The following ABTB2 variants were observed in gnomAD, a reference collection of about 807,000 sequenced individuals.
ABTB2 encodes the protein ankyrin repeat and BTB domain containing 2.
A neutral mutation model predicts 104.1 loss-of-function variants in ABTB2; 56 were observed. That is an observed-to-expected ratio of 0.54 (90% CI 0.43 to 0.67). The LOEUF is 0.67. ABTB2 is among the 30% of genes least tolerant of loss of function. The probability of loss-of-function intolerance (pLI) is 0.00; values close to 1 mark genes in which losing one functional copy is unlikely to be tolerated. For synonymous variants in ABTB2, 606 were observed against 608.2 expected, an observed-to-expected ratio of 1.00 and a Z score of 0.05; for missense variants, 1,279 against 1,407.7, an observed-to-expected ratio of 0.91 and a Z score of 1.46.
intron 1 of ABTB2, among the ~76,000 whole-genome samples, chr11:34,311,284 C>T (rs777169394): frequency 6.6e-6 from 1 of 152,182 alleles, no homozygotes; most frequent in Non-Finnish European, 1.5e-5. Flanking sequence ...TGCTGCAGAC[C>T]CAGAAAAGCA....
At chr11:34,282,713 G>A (rs1191543155) in intron 1 of ABTB2, among the ~76,000 whole-genome samples, 1 of 151,182 alleles carries the variant, frequency 6.6e-6, no homozygotes, top group Non-Finnish European at 1.5e-5. Flanking sequence ...CTTTTTTTTA[G>A]TAGAGACGGG....
At position 34,162,818 on chromosome 11, in the gene ABTB2, G is replaced by A. The variant is rs754191566; in HGVS notation, c.1989-13C>T. 5 of 1,591,954 alleles carry A rather than the reference G, an allele frequency of 3.1e-6. No individual in the cohort carries two copies. The South Asian group carries it at 5.6e-5, about 18-fold the overall frequency. On this transcript the variant is annotated splice_polypyrimidine_tract_variant and intron_variant, in intron 9 of 16. Transcript: ENST00000435224. ...CCTCAGGACGTTCCTGCAGGCCCAG[G>A]GATGAATGAAGGTGAGGGCTGAAGT... is the stretch of plus-strand genomic sequence containing the variant.
chr11:34,195,856 C>A lies in ABTB2; in HGVS notation c.1244+1469G>T, dbSNP rs117264666. On this transcript the variant is annotated intron_variant, in intron 3 of 16. Coordinates refer to ENST00000435224, the MANE Select transcript of ABTB2 (RefSeq NM_145804.3). The stretch of plus-strand genomic sequence containing the variant: ...GAAGCAGACCTGGCTGTGGAGCCAG[C>A]TGTGGATCACAGAGCTGATGAGACT... Among the ~76,000 whole-genome samples, 578 of 152,356 alleles carry A rather than the reference C, an allele frequency of 3.8e-3. 2 individuals carry two copies. Among genetic ancestry groups the A allele is most frequent in the Non-Finnish European group, 6.3e-3 (429 of 68,036 alleles).
chr11:34,301,837 A>G (rs1854710313), intron 1 of ABTB2, among the ~76,000 whole-genome samples: 1 of 152,176 alleles, frequency 6.6e-6, no homozygotes, highest in Non-Finnish European at 1.5e-5. Flanking sequence ...AAATACAAAA[A>G]TTAGCTGGGT....
intron 1 of ABTB2, among the ~76,000 whole-genome samples, chr11:34,289,385 C>T (rs765111873): frequency 6.6e-5 from 10 of 152,204 alleles, no homozygotes; most frequent in African/African-American, 9.7e-5. Flanking sequence ...ATGCTAATGT[C>T]GTGCTTACTA....
At chr11:34,165,972 G>C (rs1271251537) in intron 7 of ABTB2, among the ~76,000 whole-genome samples, 2 of 152,236 alleles carry the variant, frequency 1.3e-5, no homozygotes, top group Non-Finnish European at 2.9e-5. Context: ...GCTAGCAAGG[G>C]CGGGCTTTGA....
At chr11:34,168,595 G>A (rs774904800) in intron 5 of ABTB2, among the ~76,000 whole-genome samples, 3 of 152,214 alleles carry the variant, frequency 2.0e-5, no homozygotes, top group Admixed American at 6.5e-5. Flanking sequence ...CAGCTGAGGA[G>A]CAGAGAAGGG....
chr11:34,346,532 C>T (rs901818168), intron 1 of ABTB2, among the ~76,000 whole-genome samples: 46 of 152,184 alleles, frequency 3.0e-4, no homozygotes, highest in African/African-American at 1.1e-3. Context: ...CAGTGTCCAG[C>T]CCTATTACCA....
chr11:34,235,500 G>A (rs1348010473), intron 1 of ABTB2, among the ~76,000 whole-genome samples: 2 of 152,178 alleles, frequency 1.3e-5, no homozygotes, highest in Non-Finnish European at 2.9e-5. Flanking sequence ...GAGATGACAA[G>A]GATCTTGAAC....
chr11:34,183,677 T>C (rs529797766), intron 3 of ABTB2, among the ~76,000 whole-genome samples: 1 of 152,290 alleles, frequency 6.6e-6, no homozygotes, highest in African/African-American at 2.4e-5. Context: ...ATTTGGTTGG[T>C]ATGGTTTTGT....
intron 1 of ABTB2, among the ~76,000 whole-genome samples, chr11:34,243,605 G>A (rs187635822): frequency 1.3e-5 from 2 of 152,322 alleles, no homozygotes; most frequent in East Asian, 1.9e-4. Flanking sequence ...CTAGTCTTAC[G>A]CGATTTTACA....
intron 5 of ABTB2, 124 bp from the exon 6 acceptor site, chr11:34,168,116 T>C (rs370631713): frequency 1.1e-6 from 1 of 950,342 alleles, no homozygotes; most frequent in Non-Finnish European, 1.6e-6. Flanking sequence ...CATCCTGTGG[T>C]CCCCCAGGCT....
intron 1 of ABTB2, among the ~76,000 whole-genome samples, chr11:34,239,274 C>T (rs73495538): frequency 0.028 from 4,212 of 152,194 alleles, 199 homozygotes; most frequent in African/African-American, 0.097. Flanking sequence ...CTGAGCTTGT[C>T]AGGGATGGAT....
intron 13 of ABTB2, 25 bp from the exon 14 acceptor site, chr11:34,159,411 G>A (rs549167982): frequency 3.2e-6 from 5 of 1,576,208 alleles, no homozygotes; most frequent in Middle Eastern, 3.3e-4. Flanking sequence ...ACAAAGCAAG[G>A]TGGGTTTTGA....
At chr11:34,155,438 C>A (rs767954828) in intron 14 of ABTB2, among the ~76,000 whole-genome samples, 1 of 152,252 alleles carries the variant, frequency 6.6e-6, no homozygotes, top group Non-Finnish European at 1.5e-5. Context: ...GGACCGGGAA[C>A]GATTTAGTTC....
intron 3 of ABTB2, among the ~76,000 whole-genome samples, chr11:34,186,893 G>A (rs989156505): frequency 6.6e-6 from 1 of 152,218 alleles, no homozygotes; most frequent in East Asian, 1.9e-4. Flanking sequence ...CTGGGAAAAG[G>A]AGGTGCTGAC....
At chr11:34,183,450 C>T (rs557630727) in intron 3 of ABTB2, among the ~76,000 whole-genome samples, 6 of 152,308 alleles carry the variant, frequency 3.9e-5, no homozygotes, top group East Asian at 1.9e-4. Context: ...CTGGGACTAC[C>T]GGGTGTAAAC....
In ABTB2 at chr11:34,159,039, G is replaced by A. The variant is rs1053243309; in HGVS notation, c.2697+257C>T. Among the ~76,000 whole-genome samples, 13 of 152,324 alleles carry A rather than the reference G, an allele frequency of 8.5e-5. No homozygotes were observed. In the East Asian group the frequency reaches 1.2e-3, roughly 14 times the overall value. On this transcript the variant is annotated intron_variant, in intron 14 of 16. Transcript: ENST00000435224. ...GTGTGGCTTGTATCTGTCCTTGCACGTCTGTCTGCAGGCTGCCCAGACCAC... is the reference window on the plus strand; with the variant it reads ...GTGTGGCTTGTATCTGTCCTTGCACATCTGTCTGCAGGCTGCCCAGACCAC...
chr11:34,200,546 C>T (rs1452010614), intron 2 of ABTB2, among the ~76,000 whole-genome samples: 5 of 152,306 alleles, frequency 3.3e-5, no homozygotes, highest in South Asian at 2.1e-4. Flanking sequence ...ACTTACACTG[C>T]GTGGCAACCC....
Sources: gnomAD v4.1 joint callset for allele counts (sites outside exome capture counted in the v4.1 genomes callset) on GRCh38, gnomAD v4.1.1 for gene constraint, MANE v1.5 for transcripts, NCBI Gene and HGNC (gene_info 2026-07-23, HGNC 2026-07-21) for gene names.